Variants in ITCH observed in about 807,000 individuals in gnomAD.
The protein encoded by ITCH is itchy E3 ubiquitin protein ligase.
In ITCH, 28 loss-of-function variants were observed where a neutral mutation model predicts 126.8. That is an observed-to-expected ratio of 0.22 (90% CI 0.16 to 0.30). ITCH has a LOEUF of 0.30. Among genes scored for constraint, ITCH ranks in the 10% least tolerant of loss-of-function variants. The probability of loss-of-function intolerance (pLI) is 1.00; values close to 1 mark genes in which losing one functional copy is unlikely to be tolerated. For synonymous variants in ITCH, 342 were observed against 340.0 expected (o/e 1.01, Z -0.06); for missense variants, 631 against 1,032.4 (o/e 0.61, Z 5.33).
At chr20:34,392,865 AC>A (rs913337847) in intron 2 of ITCH, among the ~76,000 whole-genome samples, 23 of 151,530 alleles carry the variant, frequency 1.5e-4, no homozygotes, top group Non-Finnish European at 2.8e-4. Flanking sequence ...AAGCAGAAGG[AC>A]CCCCCCAGCC....
At chr20:34,425,767 G>A (rs1423131102) in intron 7 of ITCH, among the ~76,000 whole-genome samples, 2 of 152,074 alleles carry the variant, frequency 1.3e-5, no homozygotes, top group Non-Finnish European at 2.9e-5. Flanking sequence ...CCATCACCCT[G>A]TTGCCCTGCC....
chr20:34,472,222 A>C (rs975529804), intron 16 of ITCH, among the ~76,000 whole-genome samples: 1 of 152,024 alleles, frequency 6.6e-6, no homozygotes, highest in Non-Finnish European at 1.5e-5. Flanking sequence ...TTAAAAATAT[A>C]AAAATTAGCT....
intron 2 of ITCH, among the ~76,000 whole-genome samples, chr20:34,385,222 G>GTTTTT (rs1186821960): frequency 1.2e-5 from 1 of 85,158 alleles, no homozygotes; most frequent in Non-Finnish European, 2.1e-5. Flanking sequence ...TGTGTGTGTG[G>GTTTTT]TTTTTTTTTT....
intron 7 of ITCH, among the ~76,000 whole-genome samples, chr20:34,425,344 T>A (rs938724337): frequency 6.6e-6 from 1 of 151,936 alleles, no homozygotes; most frequent in South Asian, 2.1e-4. Flanking sequence ...GTCCAAGGTT[T>A]CCCCCCACTG....
chr20:34,448,397 A>C (rs760624375), intron 11 of ITCH, among the ~76,000 whole-genome samples: 2 of 152,162 alleles, frequency 1.3e-5, no homozygotes, highest in Non-Finnish European at 1.5e-5. Flanking sequence ...CATCTCAAAA[A>C]AAAAAAGAAA....
At chr20:34,460,829 TG>T (rs1986438891) in intron 13 of ITCH, among the ~76,000 whole-genome samples, 1 of 152,088 alleles carries the variant, frequency 6.6e-6, no homozygotes, top group African/African-American at 2.4e-5. Flanking sequence ...AAGACCAGCC[TG>T]GGGAACATAG....
intron 2 of ITCH, among the ~76,000 whole-genome samples, chr20:34,376,764 G>A (rs2037861914): frequency 6.6e-6 from 1 of 152,066 alleles, no homozygotes; most frequent in Non-Finnish European, 1.5e-5. Flanking sequence ...AGATTTATTT[G>A]GCAAAATTGA....
chr20:34,406,628 A>G (rs1022333337), intron 3 of ITCH, among the ~76,000 whole-genome samples: 7 of 147,900 alleles, frequency 4.7e-5, no homozygotes, highest in African/African-American at 1.8e-4. Context: ...TCCGCCTCCC[A>G]GGTTCACACC....
At chr20:34,412,676 G>C (rs770644303) in intron 5 of ITCH, 37 bp downstream of exon 5, 2 of 1,570,624 alleles carry the variant, frequency 1.3e-6, no homozygotes, top group African/African-American at 2.7e-5. Context: ...GCACTTAGCT[G>C]TTTGTTTTTC....
chr20:34,460,578 G>T (rs1372761527), intron 13 of ITCH, among the ~76,000 whole-genome samples: 2 of 152,068 alleles, frequency 1.3e-5, no homozygotes, highest in African/African-American at 4.8e-5. Context: ...TGTCTCATTT[G>T]TTCCTCATCT....
In ITCH at chr20:34,457,140, G is replaced by A. The variant is rs1600389307; in HGVS notation, c.1211-250G>A. Among the ~76,000 whole-genome samples the A allele has an allele frequency of 3.3e-5, 5 of 152,250 alleles. No homozygotes were observed. In the South Asian group the frequency reaches 1.0e-3, roughly 32 times the overall value. The stretch of plus-strand genomic sequence containing the variant: ...TTGCTGCTGTTGGTTGGATTGAGTA[G>A]AAAGGTCCTATGGTTAGGACATTAT... On this transcript the variant is annotated intron_variant, in intron 12 of 24. Coordinates refer to ENST00000374864, the MANE Select transcript of ITCH (RefSeq NM_031483.7).
chr20:34,488,833 T>G (rs1459081799), intron 20 of ITCH, among the ~76,000 whole-genome samples: 1 of 152,142 alleles, frequency 6.6e-6, no homozygotes, highest in African/African-American at 2.4e-5. Flanking sequence ...AGGCCAGATA[T>G]TTAAAACCAG....
chr20:34,432,292 T>A (rs931788157), intron 7 of ITCH, among the ~76,000 whole-genome samples: 1 of 152,138 alleles, frequency 6.6e-6, no homozygotes, highest in Non-Finnish European at 1.5e-5. Context: ...GCTGAATAAA[T>A]TTAGCTATAT....
rs557513339 is a variant in ITCH, at chr20:34,414,817, C to T, written c.475+938C>T. On this transcript the variant is annotated intron_variant, in intron 6 of 24. Coordinates refer to ENST00000374864, the MANE Select transcript of ITCH (RefSeq NM_031483.7). ...TTAACACTGTACCACCCAGCCATTA[C>T]AAGCTGAGATCCATTTACCATTCCC... Among the ~76,000 whole-genome samples, 147 of 152,286 alleles carry T rather than the reference C, an allele frequency of 9.7e-4. 3 individuals carry two copies. In the South Asian group the frequency reaches 0.029, roughly 30 times the overall value.
chr20:34,477,755 A>G lies in ITCH; in HGVS notation c.1570-17A>G. The G allele has an allele frequency of 6.2e-7, 1 of 1,611,368 alleles. No individual in the cohort carries two copies. Among genetic ancestry groups the G allele is most frequent in the Non-Finnish European group, 8.5e-7 (1 of 1,177,932 alleles). On this transcript the variant is annotated splice_polypyrimidine_tract_variant and intron_variant, in intron 16 of 24. Transcript: ENST00000374864. ...AATAGCTTTTTTCACCAATTATTTT[A>G]CTTTATTTTTTTTTAGATAATGAGC...
chr20:34,491,057 A>C (rs555402883), intron 22 of ITCH, among the ~76,000 whole-genome samples: 1 of 152,214 alleles, frequency 6.6e-6, no homozygotes, highest in Non-Finnish European at 1.5e-5. Flanking sequence ...TAAAGTCACA[A>C]CTTACCCATT....
chr20:34,447,987 G>A (rs1984674948), intron 11 of ITCH, among the ~76,000 whole-genome samples: 1 of 152,152 alleles, frequency 6.6e-6, no homozygotes, highest in Non-Finnish European at 1.5e-5. Context: ...CTTTGTTTGG[G>A]TCCTGATTTT....
chr20:34,367,622 G>A (rs980154117), intron 1 of ITCH, among the ~76,000 whole-genome samples: 1 of 152,208 alleles, frequency 6.6e-6, no homozygotes, highest in Admixed American at 6.5e-5. Context: ...GATCAATGAT[G>A]TCTCCTGTGG....
intron 13 of ITCH, among the ~76,000 whole-genome samples, chr20:34,460,970 A>G (rs1269421487): frequency 2.0e-5 from 3 of 152,138 alleles, no homozygotes; most frequent in African/African-American, 7.2e-5. Context: ...GCAGTGAACT[A>G]TGATCATGCC....
Sources: gnomAD v4.1 joint callset for allele counts (sites outside exome capture counted in the v4.1 genomes callset) on GRCh38, gnomAD v4.1.1 for gene constraint, MANE v1.5 for transcripts, NCBI Gene and HGNC (gene_info 2026-07-23, HGNC 2026-07-21) for gene names.